WWTR1: variants seen among roughly 807,000 people sequenced by gnomAD.
WWTR1 encodes the protein WW domain containing transcription regulator 1, also known as WW domain-containing transcription regulator protein 1.
A neutral mutation model predicts 40.1 loss-of-function variants in WWTR1; 13 were observed. The observed-to-expected ratio is 0.32, with a 90% CI of 0.21 to 0.52. The LOEUF is 0.52. Ranked by LOEUF, WWTR1 falls within the 20% of genes least tolerant of loss-of-function variation. The probability of loss-of-function intolerance (pLI) is 0.97; values close to 1 mark genes in which losing one functional copy is unlikely to be tolerated. For synonymous variants in WWTR1, 230 were observed against 210.1 expected (o/e 1.09, Z -0.82); for missense variants, 436 against 523.1 (o/e 0.83, Z 1.63).
intron 2 of WWTR1, among the ~76,000 whole-genome samples, chr3:149,603,554 C>CTCCCCG (rs1739348460): frequency 1.2e-4 from 18 of 146,590 alleles, no homozygotes; most frequent in African/African-American, 3.9e-4. Flanking sequence ...TTCCCCACCC[C>CTCCCCG]CCCCTTGTAC....
chr3:149,563,109 T>C (rs1438075030), intron 3 of WWTR1, among the ~76,000 whole-genome samples: 1 of 152,112 alleles, frequency 6.6e-6, no homozygotes, highest in African/African-American at 2.4e-5. Flanking sequence ...GCAAACAGGA[T>C]GAAAATTGTC....
At chr3:149,697,302 G>T (rs1024928767) in intron 1 of WWTR1, among the ~76,000 whole-genome samples, 5 of 152,052 alleles carry the variant, frequency 3.3e-5, no homozygotes, top group African/African-American at 1.2e-4. Flanking sequence ...AGAGAGAGGG[G>T]AAAGGTGCCA....
intron 4 of WWTR1, among the ~76,000 whole-genome samples, chr3:149,535,142 T>A (rs1735763725): frequency 6.6e-6 from 1 of 152,084 alleles, no homozygotes; most frequent in Non-Finnish European, 1.5e-5. Context: ...GAGGCTGCTC[T>A]GCTTGATTTA....
chr3:149,712,987 G>A (rs1196910368), intron 5 of WWTR1, among the ~76,000 whole-genome samples: 2 of 152,174 alleles, frequency 1.3e-5, no homozygotes, highest in Non-Finnish European at 2.9e-5. Context: ...TGTGTCTGAT[G>A]CTCAAGGCTA....
At chr3:149,532,636 G>A (rs550202879) in intron 4 of WWTR1, among the ~76,000 whole-genome samples, 22 of 152,138 alleles carry the variant, frequency 1.4e-4, no homozygotes, top group African/African-American at 4.8e-4. Flanking sequence ...AAAAGAAACT[G>A]TACAAAACCC....
At chr3:149,538,754 C>T (rs1735942940) in intron 4 of WWTR1, among the ~76,000 whole-genome samples, 1 of 152,196 alleles carries the variant, frequency 6.6e-6, no homozygotes, top group Non-Finnish European at 1.5e-5. Context: ...GTCTCAGTTC[C>T]AGTAATGAAA....
intron 2 of WWTR1, among the ~76,000 whole-genome samples, chr3:149,594,940 C>T (rs958756730): frequency 2.9e-5 from 4 of 139,474 alleles, no homozygotes; most frequent in African/African-American, 1.1e-4. Context: ...TGCCTATAAC[C>T]TCTTTTTTAC....
chr3:149,592,410 A>C (rs1738772526), intron 2 of WWTR1, among the ~76,000 whole-genome samples: 1 of 152,160 alleles, frequency 6.6e-6, no homozygotes, highest in Non-Finnish European at 1.5e-5. Context: ...CACTATGGCA[A>C]TATTTTATAC....
intron 2 of WWTR1, among the ~76,000 whole-genome samples, chr3:149,646,981 T>TA (rs1001394508): frequency 6.6e-6 from 1 of 151,512 alleles, no homozygotes; most frequent in Non-Finnish European, 1.5e-5. Context: ...ATGTGGTCCT[T>TA]AAAAAAAACA....
rs554974700 is a variant in WWTR1 at position 149,578,319 on chromosome 3, T to C, written c.432-5319A>G. 7.9e-5 allele frequency among the ~76,000 whole-genome samples: 12 copies of C among 152,192 alleles called. No homozygotes were observed. The East Asian group carries it at 1.7e-3, about 22-fold the overall frequency. On this transcript the variant is annotated intron_variant, in intron 2 of 6. Transcript: ENST00000360632. ...GACAGGGGTAAAAAAGCTAACAATA[T>C]ACTGGTTCCTCACTGTGAGGATAAA... is the stretch of plus-strand genomic sequence containing the variant.
intron 1 of WWTR1, among the ~76,000 whole-genome samples, chr3:149,679,964 T>C (rs1714401453): frequency 6.6e-6 from 1 of 152,164 alleles, no homozygotes; most frequent in African/African-American, 2.4e-5. Context: ...TATTCTGACA[T>C]CATGGTAAAT....
At chr3:149,557,868 C>A (rs1290112510) in intron 3 of WWTR1, among the ~76,000 whole-genome samples, 1 of 151,528 alleles carries the variant, frequency 6.6e-6, no homozygotes, top group Admixed American at 6.6e-5. Flanking sequence ...ACAAGCGTGG[C>A]GGTGTGTGCC....
chr3:149,654,791 C>A (rs6775900), intron 2 of WWTR1, among the ~76,000 whole-genome samples: 67 of 152,238 alleles, frequency 4.4e-4, no homozygotes, highest in African/African-American at 1.6e-3. Context: ...ATATACCATA[C>A]GTATGTGTGT....
rs760333937 is a variant in WWTR1 at position 149,656,956 on chromosome 3, G to C, written c.351C>G (p.Ser117=). 2 of 1,595,392 alleles carry C rather than the reference G, an allele frequency of 1.3e-6. No homozygotes were observed. Among genetic ancestry groups the C allele is most frequent in the Non-Finnish European group, 1.7e-6 (2 of 1,174,482 alleles). The part of the protein sequence containing the change: ...AQQHAHLRQQ[S]YDVTDELPLP... The stretch of plus-strand genomic sequence containing the variant: ...GTGGCAGCTCGTCGGTCACGTCGTA[G>C]GACTGCTGGCGGAGGTGCGCGTGCT... The change falls in exon 2 of 7, where the codon TCC becomes TCG. Residue 117 remains serine (S), a synonymous_variant. Transcript: ENST00000360632.
intron 4 of WWTR1, among the ~76,000 whole-genome samples, chr3:149,723,882 C>G (rs1387706950): frequency 6.6e-6 from 1 of 152,160 alleles, no homozygotes; most frequent in African/African-American, 2.4e-5. Flanking sequence ...AGGCCAGGGT[C>G]CTTTTCAGCT....
chr3:149,702,066 A>C (rs573815929), intron 1 of WWTR1: 60 of 163,442 alleles, frequency 3.7e-4, no homozygotes, highest in Admixed American at 6.5e-4. Flanking sequence ...GATGTAACAA[A>C]AAAAAAAAAA....
chr3:149,546,190 C>T (rs966283619), intron 3 of WWTR1, among the ~76,000 whole-genome samples: 1 of 152,178 alleles, frequency 6.6e-6, no homozygotes, highest in Non-Finnish European at 1.5e-5. Flanking sequence ...TAGATTTGAT[C>T]TTTCAGACTA....
chr3:149,645,846 T>C (rs903387690), intron 2 of WWTR1, among the ~76,000 whole-genome samples: 2 of 152,214 alleles, frequency 1.3e-5, no homozygotes, highest in Non-Finnish European at 1.5e-5. Flanking sequence ...CCAGTCACCA[T>C]GTTTTGACTC....
chr3:149,684,135 G>A (rs958397006), intron 1 of WWTR1, among the ~76,000 whole-genome samples: 1 of 151,924 alleles, frequency 6.6e-6, no homozygotes, highest in African/African-American at 2.4e-5. Flanking sequence ...GTATTTACTG[G>A]TACATGCATA....
Sources: allele counts gnomAD v4.1 joint callset (sites outside exome capture counted in the v4.1 genomes callset), GRCh38; gene constraint gnomAD v4.1.1; transcripts MANE v1.5; gene names NCBI Gene and HGNC (gene_info 2026-07-23, HGNC 2026-07-21).